Variants in CPSF1 observed in about 807,000 individuals in gnomAD.
The protein encoded by CPSF1 is cleavage and polyadenylation specificity factor subunit 1.
In CPSF1, 106 loss-of-function variants were observed where a neutral mutation model predicts 175.8. The ratio of observed to expected loss-of-function variants is 0.60; its 90% CI spans 0.52 to 0.71. The LOEUF (loss-of-function observed/expected upper bound fraction) is 0.71. CPSF1 is among the 30% of genes least tolerant of loss of function. The pLI is 0.00. For synonymous variants in CPSF1, 1,024 were observed against 858.3 expected (o/e 1.19, Z -3.37); for missense variants, 1,734 against 2,022.9 (o/e 0.86, Z 2.74).
rs1820748411 is a variant in CPSF1, at chr8:144,396,515, C to CGTGAGGATGCTGTGG, written c.2827-30_2827-16dup. On this transcript the variant is annotated splice_polypyrimidine_tract_variant and intron_variant, in intron 25 of 37. Transcript: ENST00000616140. ...CAGATGAAGACCTGGGGGCAGGCAC[C>CGTGAGGATGCTGTGG]GTGAGGATGCTGTGGATGAGGATGC... 1.2e-6 allele frequency: 2 copies of CGTGAGGATGCTGTGG among 1,611,402 alleles called. No individual in the cohort carries two copies. Among genetic ancestry groups the CGTGAGGATGCTGTGG allele is most frequent in the Non-Finnish European group, 1.7e-6 (2 of 1,178,876 alleles).
intron 21 of CPSF1, 26 bp from the exon 22 acceptor site, chr8:144,397,687 C>T (rs782680880): frequency 6.4e-6 from 10 of 1,559,640 alleles, no homozygotes; most frequent in South Asian, 1.2e-5. Context: ...AGGTCATGGG[C>T]GGCCTGCCAG....
At chr8:144,394,597 C>G in intron 31 of CPSF1, 42 bp from the exon 32 acceptor site, 1 of 1,602,118 alleles carries the variant, frequency 6.2e-7, no homozygotes, top group Non-Finnish European at 8.5e-7. Flanking sequence ...GACGGGGAGC[C>G]GGGTGAGGGT....
At position 144,400,170 on chromosome 8, in the gene CPSF1, C is replaced by T. The variant is rs2116873017; in HGVS notation, c.933G>A (p.Pro311=). 33 of 1,482,120 alleles carry T rather than the reference C, an allele frequency of 2.2e-5. No individual in the cohort carries two copies. Among genetic ancestry groups the T allele is most frequent in the Admixed American group, 8.0e-5 (4 of 49,726 alleles). The allele number at this position is 1,482,120 out of a possible 1,614,324, so 91.8% of individuals were successfully genotyped here. ...CCCCAGCCACCCCACACTCACGAAG[C>T]GGGAAAGCCGTGGTTCCTGTGGTGA... ...NSLTTGTTAF[P]LRTQEGVRIT... is the part of the protein sequence containing the mutation. Residue 311 remains proline (P), a synonymous_variant, in exon 9 of 38, where the codon CCG becomes CCA. Transcript: ENST00000616140.
chr8:144,407,739 G>A (rs115055010), intron 2 of CPSF1, among the ~76,000 whole-genome samples: 1 of 152,150 alleles, frequency 6.6e-6, no homozygotes, highest in South Asian at 2.1e-4. Flanking sequence ...TAGAGATGGG[G>A]TCTTGCTATG....
chr8:144,397,948 G>C lies in CPSF1; in HGVS notation c.2073+6C>G. On this transcript the variant is annotated splice_donor_region_variant and intron_variant, in intron 20 of 37. Transcript: ENST00000616140. The stretch of plus-strand genomic sequence containing the variant: ...ACAGGAGGGCGCCGGGAATGAGGGG[G>C]CCTACATGGTGCAGCGGGGGCTTGT... 6.2e-7 allele frequency: 1 copy of C among 1,605,398 alleles called. No individual in the cohort carries two copies. The highest frequency in any genetic ancestry group is 8.5e-7 in the Non-Finnish European group (1 of 1,176,734).
intron 2 of CPSF1, among the ~76,000 whole-genome samples, chr8:144,408,303 C>A (rs1821606424): frequency 6.6e-6 from 1 of 152,216 alleles, no homozygotes; most frequent in Non-Finnish European, 1.5e-5. Flanking sequence ...CTGGAACACC[C>A]TCCTCTCACC....
chr8:144,393,388 TGGG>T, intron 37 of CPSF1, 23 bp from the exon 38 acceptor site: 1 of 468,712 alleles, frequency 2.1e-6, no homozygotes. Flanking sequence ...GAAGGGTGGG[TGGG>T]TGGGTGGGTG....
In CPSF1 at chr8:144,409,184, C is replaced by T. The variant is rs1374917350; in HGVS notation, c.-14-12G>A. On this transcript the variant is annotated splice_polypyrimidine_tract_variant and intron_variant, in intron 1 of 37. Coordinates refer to ENST00000616140, the MANE Select transcript of CPSF1 (RefSeq NM_013291.3). ...GGCGCCAACCCGGGCTGCGCAAGGC[C>T]GGGAGAGGAAGGGTGAGCGGGGTCG... 2.5e-6 allele frequency: 4 copies of T among 1,589,642 alleles called. No individual in the cohort carries two copies. Among genetic ancestry groups the T allele is most frequent in the South Asian group, 1.1e-5 (1 of 88,922 alleles).
Position 144,399,640 on chromosome 8 carries a change from G to A in CPSF1, c.1190C>T (p.Thr397Met), listed in dbSNP as rs1226042676. ...RLGNSLLLKY[T>M]EKLQEPPASA... Reference sequence around the variant, plus strand: ...GGCCGGGGGCTCCTGCAGCTTCTCCGTGTACTTGAGGAGGAGGGAATTGCC... The same window carrying A: ...GGCCGGGGGCTCCTGCAGCTTCTCCATGTACTTGAGGAGGAGGGAATTGCC... Residue 397 changes from threonine (T) to methionine (M), a missense_variant, in exon 12 of 38, where the codon ACG becomes ATG. Coordinates refer to ENST00000616140, the MANE Select transcript of CPSF1 (RefSeq NM_013291.3). This position sits in a 1 kb window ranked among gnomAD's most constrained non-coding sequence, Gnocchi z 6.4. The A allele has an allele frequency of 3.7e-6, 6 of 1,610,340 alleles. No homozygotes were observed. The highest frequency in any genetic ancestry group is 5.1e-6 in the Non-Finnish European group (6 of 1,178,614).
At chr8:144,400,135 G>GGGGGCCCCCCC in intron 9 of CPSF1, 31 bp downstream of exon 9, 51 of 895,928 alleles carry the variant, frequency 5.7e-5, no homozygotes, top group Non-Finnish European at 7.4e-5. Context: ...CCGTCCCCGG[G>GGGGGCCCCCCC]CCCCCCCCGC....
chr8:144,398,535 T>A lies in CPSF1; in HGVS notation c.1742A>T (p.Asp581Val). ...GGCCCTGCCCCTCACCATGGTGGAG[T>A]CTTCCCGGCTCAGAATCAGGAATCC... ...RHGFLILSRE[D>V]STMILQTGQE... The change falls in exon 18 of 38, where the codon GAC becomes GTC. Residue 581 changes from aspartate to valine, a missense_variant. Physicochemically the swap from Asp to Val is radical, Grantham distance 152. Transcript: ENST00000616140. The A allele has an allele frequency of 6.2e-7, 1 of 1,613,206 alleles. No homozygotes were observed. Among genetic ancestry groups the A allele is most frequent in the East Asian group, 2.2e-5 (1 of 44,772 alleles).
At chr8:144,400,325 A>T in intron 8 of CPSF1, 29 bp downstream of exon 8, 1 of 1,612,488 alleles carries the variant, frequency 6.2e-7, no homozygotes, top group Non-Finnish European at 8.5e-7. Context: ...CTCTCCACAC[A>T]CTCCCCTATC....
At position 144,393,865 on chromosome 8, in the gene CPSF1, C is replaced by T; in HGVS notation, c.4015+18G>A. The T allele has an allele frequency of 6.2e-7, 1 of 1,604,324 alleles. No homozygotes were observed. Among genetic ancestry groups the T allele is most frequent in the Non-Finnish European group, 8.5e-7 (1 of 1,176,262 alleles). ...CCTAGGGCCCCCCACCCAGACACAC[C>T]TGCTCCCCCACACTCACCAAACCAC... On this transcript the variant is annotated intron_variant, in intron 35 of 37. Transcript: ENST00000616140.
Position 144,393,382 on chromosome 8 carries a change from G to GTGA in CPSF1, c.4285-18_4285-17insTCA. On this transcript the variant is annotated splice_polypyrimidine_tract_variant and intron_variant, in intron 37 of 37. Coordinates refer to ENST00000616140, the MANE Select transcript of CPSF1 (RefSeq NM_013291.3). ...GTCCAGGATCTGCAGGGGATGGAAGGGTGGGTGGGTGGGTGGGTGGGGATG... is the reference window on the plus strand; with the variant it reads ...GTCCAGGATCTGCAGGGGATGGAAGGTGAGTGGGTGGGTGGGTGGGTGGGGATG... 5.5e-6 allele frequency: 6 copies of GTGA among 1,100,242 alleles called. No individual in the cohort carries two copies. The highest frequency in any genetic ancestry group is 7.7e-6 in the Non-Finnish European group (6 of 780,268). 68.2% of individuals were successfully genotyped at this position (1,100,242 alleles called of 1,614,324 possible).
intron 2 of CPSF1, among the ~76,000 whole-genome samples, chr8:144,406,096 G>A (rs1404292588): frequency 6.6e-6 from 1 of 152,166 alleles, no homozygotes; most frequent in East Asian, 1.9e-4. Context: ...CTGACCCCAG[G>A]AGGATGGCTT....
rs2116886314 is a variant in CPSF1 at position 144,401,634 on chromosome 8, C to T, written c.172+12G>A. ...GCACCCGCACAGCCCCAGGCCGCCC[C>T]ACCACACTCACCTGTGCTCCTGTCA... On this transcript the variant is annotated intron_variant, in intron 3 of 37. Transcript: ENST00000616140. The T allele has an allele frequency of 6.2e-7, 1 of 1,611,396 alleles. No homozygotes were observed. The highest frequency in any genetic ancestry group is 1.1e-5 in the South Asian group (1 of 90,542).
Position 144,396,855 on chromosome 8 carries a change from T to C in CPSF1, c.2667A>G (p.Lys889=), listed in dbSNP as rs782288569. Residue 889 remains lysine, a synonymous_variant, in exon 24 of 38, where the codon AAA becomes AAG. Transcript: ENST00000616140. Reference sequence around the variant, plus strand: ...CCACTGGCACCTTCTTAAAGCGGACTTTGAGATTGCCCTGGCCGAGCTGAG... The same window carrying C: ...CCACTGGCACCTTCTTAAAGCGGACCTTGAGATTGCCCTGGCCGAGCTGAG... The part of the protein sequence containing the change: ...HDSQLGQGNL[K]VRFKKVPHNI... 6.2e-7 allele frequency: 1 copy of C among 1,613,960 alleles called. No homozygotes were observed. The highest frequency in any genetic ancestry group is 8.5e-7 in the Non-Finnish European group (1 of 1,179,954).
chr8:144,396,362 A>G lies in CPSF1; in HGVS notation c.2965T>C (p.Tyr989His). The G allele has an allele frequency of 6.3e-7, 1 of 1,586,610 alleles. No individual in the cohort carries two copies. The highest frequency in any genetic ancestry group is 8.6e-7 in the Non-Finnish European group (1 of 1,169,576). The change falls in exon 26 of 38, where the codon TAC (tyrosine) becomes CAC (histidine). Residue 989 changes from tyrosine (Y) to histidine (H), a missense_variant. By Grantham distance (83) the Tyr-to-His change is moderately conservative. This residue lies in a region of CPSF1 where 585 missense variants were observed against 584.7 expected (regional missense o/e 1.00). Transcript: ENST00000616140. ...HNVNCPRGFL[Y>H]FNRQGELRIS... ...CCGGGCCCCACCTGTCTGTTGAAGT[A>G]CAGGAAGCCGCGGGGACAGTTGACA...
rs1427044342 is a variant in CPSF1 at position 144,393,244 on chromosome 8, GT to G, written c.*73del. On this transcript the variant is annotated 3_prime_UTR_variant, in exon 38 of 38. Coordinates refer to ENST00000616140, the MANE Select transcript of CPSF1 (RefSeq NM_013291.3). ...CACACACTCCTCTCAAGCAAAAAATGTTTTTCCTTGTGTTTTGTACAAAAAG... is the reference window on the plus strand; with the variant it reads ...CACACACTCCTCTCAAGCAAAAAATGTTTTCCTTGTGTTTTGTACAAAAAG... 2.8e-6 allele frequency: 4 copies of G among 1,415,986 alleles called. No homozygotes were observed. The highest frequency in any genetic ancestry group is 2.5e-5 in the East Asian group (1 of 39,854). 87.7% of individuals were successfully genotyped at this position (1,415,986 alleles called of 1,614,324 possible).
Sources: allele counts gnomAD v4.1 joint callset (sites outside exome capture counted in the v4.1 genomes callset), GRCh38; gene constraint gnomAD v4.1.1; regional missense constraint gnomAD v4.1.1; non-coding constraint Gnocchi (gnomAD v3.1); transcripts MANE v1.5; gene names NCBI Gene and HGNC (gene_info 2026-07-23, HGNC 2026-07-21).